Variants in KCNAB1 observed in about 807,000 individuals in gnomAD.
KCNAB1 encodes the protein potassium voltage-gated channel subfamily A regulatory beta subunit 1.
KCNAB1 carries 35 observed loss-of-function variants against 64.6 expected under a neutral mutation model. That is an observed-to-expected ratio of 0.54 (90% CI 0.41 to 0.72). The LOEUF (loss-of-function observed/expected upper bound fraction) is 0.72, where lower values mean the gene tolerates loss of function less well. Among genes scored for constraint, KCNAB1 ranks in the 30% least tolerant of loss-of-function variants. The probability of loss-of-function intolerance (pLI) is 0.00; values close to 1 mark genes in which losing one functional copy is unlikely to be tolerated. For missense variants in KCNAB1, 401 were observed against 512.9 expected, an observed-to-expected ratio of 0.78 and a Z score of 2.11; for synonymous variants, 177 against 183.8, an observed-to-expected ratio of 0.96 and a Z score of 0.30.
chr3:156,436,832 GGATA>G (rs1400382448), intron 2 of KCNAB1, among the ~76,000 whole-genome samples: 1 of 152,182 alleles, frequency 6.6e-6, no homozygotes, highest in Non-Finnish European at 1.5e-5. Flanking sequence ...TTTGTCAAAT[GGATA>G]GATTGCAAAA....
At chr3:156,518,580 GTAAA>G (rs1317867562) in intron 11 of KCNAB1, among the ~76,000 whole-genome samples, 1 of 151,952 alleles carries the variant, frequency 6.6e-6, no homozygotes, top group Non-Finnish European at 1.5e-5. Context: ...AAGAGAATAA[GTAAA>G]TAGTTTGTGT....
chr3:156,528,706 A>C (rs1017141676), intron 12 of KCNAB1, among the ~76,000 whole-genome samples: 1 of 152,184 alleles, frequency 6.6e-6, no homozygotes, highest in Non-Finnish European at 1.5e-5. Flanking sequence ...CCCCAGAATG[A>C]AGGGAGAGGA....
intron 1 of KCNAB1, among the ~76,000 whole-genome samples, chr3:156,201,980 G>A (rs1714361956): frequency 6.6e-6 from 1 of 152,156 alleles, no homozygotes; most frequent in Non-Finnish European, 1.5e-5. Context: ...CTCCCACAGA[G>A]GCGAGCAGAC....
At chr3:156,377,742 T>C (rs1711799238) in intron 1 of KCNAB1, among the ~76,000 whole-genome samples, 1 of 152,140 alleles carries the variant, frequency 6.6e-6, no homozygotes, top group Non-Finnish European at 1.5e-5. Flanking sequence ...AAGAAAACTT[T>C]ATCCAAGCCC....
At chr3:156,443,706 T>C (rs1717172672) in intron 2 of KCNAB1, among the ~76,000 whole-genome samples, 1 of 151,046 alleles carries the variant, frequency 6.6e-6, no homozygotes, top group Non-Finnish European at 1.5e-5. Flanking sequence ...AAACTTTAAA[T>C]AGTGGAGAGG....
intron 1 of KCNAB1, among the ~76,000 whole-genome samples, chr3:156,405,415 C>T (rs192118312): frequency 6.6e-6 from 1 of 152,326 alleles, no homozygotes; most frequent in East Asian, 1.9e-4. Context: ...AGTGGTCCTG[C>T]CCTGTCTCAT....
intron 1 of KCNAB1, among the ~76,000 whole-genome samples, chr3:156,257,020 C>T (rs1024164684): frequency 3.3e-5 from 5 of 152,186 alleles, no homozygotes; most frequent in Non-Finnish European, 7.4e-5. Context: ...GGTAACAGAC[C>T]CAGCCATTAC....
Position 156,488,050 on chromosome 3 carries a change from C to A in KCNAB1, c.658+13230C>A, listed in dbSNP as rs537535200. Among the ~76,000 whole-genome samples, 5 of 152,116 alleles carry A rather than the reference C, an allele frequency of 3.3e-5. No individual in the cohort carries two copies. In the South Asian group the frequency reaches 1.0e-3, roughly 32 times the overall value. On this transcript the variant is annotated intron_variant, in intron 8 of 13. Transcript: ENST00000490337. ...TGTCACCATATAGTACTCAGATGAC[C>A]CACAGAAGAACATGACATAGTATAA...
intron 8 of KCNAB1, among the ~76,000 whole-genome samples, chr3:156,511,565 C>T (rs1276239925): frequency 6.6e-6 from 1 of 152,214 alleles, no homozygotes; most frequent in East Asian, 1.9e-4. Context: ...TCCCTGACCA[C>T]ACTCAGTCCA....
intron 8 of KCNAB1, among the ~76,000 whole-genome samples, chr3:156,506,375 A>T (rs1559920305): frequency 6.6e-6 from 1 of 152,156 alleles, no homozygotes; most frequent in Non-Finnish European, 1.5e-5. Flanking sequence ...TTTGGACTTG[A>T]GCTAAAAGTG....
chr3:156,212,577 G>T (rs1182148806), intron 1 of KCNAB1, among the ~76,000 whole-genome samples: 1 of 152,128 alleles, frequency 6.6e-6, no homozygotes, highest in Non-Finnish European at 1.5e-5. Context: ...GCAGACAAAT[G>T]ATTGTAAACT....
intron 1 of KCNAB1, among the ~76,000 whole-genome samples, chr3:156,359,636 AATC>A (rs1468253439): frequency 6.6e-6 from 1 of 152,210 alleles, no homozygotes; most frequent in Non-Finnish European, 1.5e-5. Flanking sequence ...ATGCTGATGA[AATC>A]ATCACTGTGG....
intron 1 of KCNAB1, among the ~76,000 whole-genome samples, chr3:156,198,630 T>C (rs1320207892): frequency 7.1e-4 from 106 of 149,640 alleles, no homozygotes; most frequent in Non-Finnish European, 1.2e-3. Context: ...TTTTTTTTTT[T>C]TTTTTTGCTT....
chr3:156,195,970 G>A (rs541418809), intron 1 of KCNAB1, among the ~76,000 whole-genome samples: 5 of 152,274 alleles, frequency 3.3e-5, no homozygotes, highest in Middle Eastern at 6.8e-3. Flanking sequence ...TGTATAAAGT[G>A]TAAGAAAGGA....
At chr3:156,491,926 G>T (rs1370782552) in intron 8 of KCNAB1, among the ~76,000 whole-genome samples, 1 of 152,114 alleles carries the variant, frequency 6.6e-6, no homozygotes, top group African/African-American at 2.4e-5. Context: ...TAGTATCAGA[G>T]AAATTATTCG....
At chr3:156,330,336 A>T (rs1723248122) in intron 1 of KCNAB1, among the ~76,000 whole-genome samples, 1 of 152,078 alleles carries the variant, frequency 6.6e-6, no homozygotes, top group Non-Finnish European at 1.5e-5. Context: ...GAAAAATCAG[A>T]GCAGCATCGG....
intron 1 of KCNAB1, among the ~76,000 whole-genome samples, chr3:156,149,740 C>T (rs1442541350): frequency 1.3e-5 from 2 of 152,150 alleles, no homozygotes; most frequent in African/African-American, 4.8e-5. Flanking sequence ...TCCCTCTTGC[C>T]CTTTCTCCTT....
chr3:156,364,135 G>A (rs1725795376), intron 1 of KCNAB1, among the ~76,000 whole-genome samples: 4 of 152,186 alleles, frequency 2.6e-5, no homozygotes, highest in Admixed American at 1.3e-4. Context: ...GAGGGCATGG[G>A]ATTATCAACC....
intron 1 of KCNAB1, among the ~76,000 whole-genome samples, chr3:156,348,098 G>GA (rs904624831): frequency 6.6e-6 from 1 of 151,900 alleles, no homozygotes; most frequent in Non-Finnish European, 1.5e-5. Context: ...GATATGAAGG[G>GA]AAAAAAACAC....
Sources: allele counts gnomAD v4.1 joint callset (sites outside exome capture counted in the v4.1 genomes callset), GRCh38; gene constraint gnomAD v4.1.1; transcripts MANE v1.5; gene names NCBI Gene and HGNC (gene_info 2026-07-23, HGNC 2026-07-21).